Variants in DAB1 observed in about 807,000 individuals in gnomAD.
The protein encoded by DAB1 is DAB adaptor protein 1.
A neutral mutation model predicts 64.6 loss-of-function variants in DAB1; 15 were observed. That is an observed-to-expected ratio of 0.23 (90% CI 0.16 to 0.36). DAB1 has a LOEUF of 0.36. DAB1 is among the 10% of genes least tolerant of loss of function. The pLI is 1.00. For synonymous variants in DAB1, 235 were observed against 251.9 expected (o/e 0.93, Z 0.64); for missense variants, 596 against 706.7 (o/e 0.84, Z 1.78).
chr1:57,820,343 ACT>A (rs749553213), intron 6 of DAB1, among the ~76,000 whole-genome samples: 4 of 152,168 alleles, frequency 2.6e-5, no homozygotes, highest in Non-Finnish European at 5.9e-5. Context: ...AATAATACAC[ACT>A]GATTAAAACT....
intron 1 of DAB1, among the ~76,000 whole-genome samples, chr1:57,371,667 G>A (rs1441072665): frequency 6.6e-6 from 1 of 152,140 alleles, no homozygotes; most frequent in East Asian, 1.9e-4. Flanking sequence ...AGTCAATATA[G>A]GAACAAGTAT....
chr1:57,136,235 G>A (rs572747736), intron 4 of DAB1, among the ~76,000 whole-genome samples: 2 of 152,130 alleles, frequency 1.3e-5, no homozygotes, highest in South Asian at 2.1e-4. Context: ...AGTTGCCAAC[G>A]CACAAAGAAA....
intron 2 of DAB1, among the ~76,000 whole-genome samples, chr1:57,285,904 G>A (rs1466821243): frequency 6.6e-6 from 1 of 152,190 alleles, no homozygotes; most frequent in Non-Finnish European, 1.5e-5. Context: ...AACAAGAGTA[G>A]TGTCAACTGA....
At position 57,053,598 on chromosome 1, in the gene DAB1, C is replaced by T. The variant is rs1649408188; in HGVS notation, c.723+9286G>A. On this transcript the variant is annotated intron_variant, in intron 9 of 14. Transcript: ENST00000371236. Reference sequence around the variant, plus strand: ...TGTCAAATCCAACTGATCAATTCGACAATCTCTGTCTTTCCTATTTACTAC... The same window carrying T: ...TGTCAAATCCAACTGATCAATTCGATAATCTCTGTCTTTCCTATTTACTAC... Among the ~76,000 whole-genome samples the T allele has an allele frequency of 2.7e-5, 4 of 149,366 alleles. No individual in the cohort carries two copies. In the Admixed American group the frequency reaches 2.7e-4, roughly 10 times the overall value.
At chr1:57,449,881 T>C (rs1686286506) in intron 7 of DAB1, among the ~76,000 whole-genome samples, 1 of 152,210 alleles carries the variant, frequency 6.6e-6, no homozygotes, top group African/African-American at 2.4e-5. Context: ...AGGTTAGTTT[T>C]ATTGATTCTA....
intron 5 of DAB1, among the ~76,000 whole-genome samples, chr1:57,946,839 G>C (rs1645191256): frequency 6.6e-6 from 1 of 152,136 alleles, no homozygotes; most frequent in Non-Finnish European, 1.5e-5. Flanking sequence ...AAGTTTCTCA[G>C]TTGGAATGTG....
chr1:58,514,598 T>C (rs996648240), intron 2 of DAB1, among the ~76,000 whole-genome samples: 1 of 152,176 alleles, frequency 6.6e-6, no homozygotes, highest in Non-Finnish European at 1.5e-5. Context: ...CCAGTCATTG[T>C]AGCATCCTCT....
At chr1:57,418,033 G>A (rs72909245) in intron 1 of DAB1, among the ~76,000 whole-genome samples, 14,471 of 152,018 alleles carry the variant, frequency 0.095, 788 homozygotes, top group Admixed American at 0.12. Context: ...TTTCCATAGC[G>A]CATCTCCTGC....
At chr1:58,545,467 T>C (rs1186057559) in intron 1 of DAB1, among the ~76,000 whole-genome samples, 1 of 151,748 alleles carries the variant, frequency 6.6e-6, no homozygotes, top group Non-Finnish European at 1.5e-5. Context: ...AATCTATTCA[T>C]GCATTTTCAA....
At chr1:58,412,139 T>G (rs1644678140) in intron 3 of DAB1, among the ~76,000 whole-genome samples, 1 of 152,146 alleles carries the variant, frequency 6.6e-6, no homozygotes, top group African/African-American at 2.4e-5. Context: ...TAGCATTCCT[T>G]TGGTGTTGCT....
intron 4 of DAB1, among the ~76,000 whole-genome samples, chr1:57,103,798 G>A (rs479780): frequency 0.8 from 122,348 of 152,096 alleles, 49,389 homozygotes; most frequent in East Asian, 0.98. Flanking sequence ...GTTCTGCAGA[G>A]TGGGTTGAAA....
intron 4 of DAB1, among the ~76,000 whole-genome samples, chr1:58,268,217 G>T (rs965536837): frequency 6.6e-6 from 1 of 151,424 alleles, no homozygotes; most frequent in African/African-American, 2.4e-5. Context: ...AAATCATAAG[G>T]GATTTAAAGC....
At chr1:57,470,473 T>C (rs1024236428) in intron 7 of DAB1, among the ~76,000 whole-genome samples, 3 of 152,198 alleles carry the variant, frequency 2.0e-5, no homozygotes, top group African/African-American at 7.2e-5. Context: ...ATTGCTACAG[T>C]AGTAAAGTGA....
intron 3 of DAB1, among the ~76,000 whole-genome samples, chr1:58,360,174 G>A (rs1644151646): frequency 6.6e-6 from 1 of 152,142 alleles, no homozygotes; most frequent in South Asian, 2.1e-4. Context: ...TATGAAAATG[G>A]CAGTATGTGT....
intron 2 of DAB1, among the ~76,000 whole-genome samples, chr1:57,284,455 T>C (rs912983040): frequency 4.6e-5 from 7 of 152,088 alleles, no homozygotes; most frequent in African/African-American, 1.5e-4. Context: ...CATTTCAAAA[T>C]TGGGCAAGCA....
chr1:57,602,483 GA>G (rs1645586285), intron 7 of DAB1, among the ~76,000 whole-genome samples: 1 of 152,136 alleles, frequency 6.6e-6, no homozygotes, highest in Admixed American at 6.5e-5. Context: ...ACCCTGCTTG[GA>G]AAAATGTTTC....
intron 6 of DAB1, among the ~76,000 whole-genome samples, chr1:57,759,154 AG>A (rs1648955525): frequency 6.6e-6 from 1 of 151,916 alleles, no homozygotes; most frequent in African/African-American, 2.4e-5. Flanking sequence ...ATAGACAAGC[AG>A]GTGGCAGTTT....
At chr1:57,840,293 C>A (rs1652991773) in intron 1 of DAB1, among the ~76,000 whole-genome samples, 2 of 151,926 alleles carry the variant, frequency 1.3e-5, no homozygotes, top group South Asian at 4.2e-4. Flanking sequence ...AATATCTGAG[C>A]TAAAGCTAAA....
intron 5 of DAB1, among the ~76,000 whole-genome samples, chr1:58,083,084 G>A (rs1262915658): frequency 6.6e-6 from 1 of 152,208 alleles, no homozygotes; most frequent in East Asian, 1.9e-4. Flanking sequence ...TCAGCTCTGA[G>A]TGAAGGCGCA....
Sources: allele counts gnomAD v4.1 joint callset (sites outside exome capture counted in the v4.1 genomes callset), GRCh38; gene constraint gnomAD v4.1.1; transcripts MANE v1.5; gene names NCBI Gene and HGNC (gene_info 2026-07-23, HGNC 2026-07-21).